Variants in MED27 observed in about 807,000 individuals in gnomAD.
MED27 encodes the protein mediator of RNA polymerase II transcription subunit 27.
In MED27, 30 loss-of-function variants were observed where a neutral mutation model predicts 38.2. The observed-to-expected ratio is 0.79, with a 90% CI of 0.59 to 1.07. The LOEUF (loss-of-function observed/expected upper bound fraction) is 1.07. MED27 is among the 50% of genes least tolerant of loss of function. The pLI is 0.00. For missense variants in MED27, 289 were observed against 397.5 expected (o/e 0.73, Z 2.32); for synonymous variants, 122 against 153.5 (o/e 0.79, Z 1.52).
chr9:132,008,684 T>C (rs1460757263), intron 3 of MED27, among the ~76,000 whole-genome samples: 3 of 152,228 alleles, frequency 2.0e-5, no homozygotes, highest in East Asian at 1.9e-4. Context: ...AGCTCCTGCA[T>C]TCCTGCCACG....
intron 4 of MED27, among the ~76,000 whole-genome samples, chr9:131,927,014 C>T (rs1830496051): frequency 6.6e-6 from 1 of 152,136 alleles, no homozygotes; most frequent in South Asian, 2.1e-4. Flanking sequence ...TTGTTCCAGT[C>T]TGATTCAGTT....
intron 3 of MED27, among the ~76,000 whole-genome samples, chr9:131,954,208 C>T (rs757549848): frequency 6.6e-6 from 1 of 152,150 alleles, no homozygotes; most frequent in African/African-American, 2.4e-5. Flanking sequence ...GTAAGCAGCA[C>T]CACTAAGCAA....
At chr9:132,073,937 GA>G (rs994915551) in intron 2 of MED27, among the ~76,000 whole-genome samples, 1 of 152,016 alleles carries the variant, frequency 6.6e-6, no homozygotes, top group African/African-American at 2.4e-5. Flanking sequence ...ATAAACAAAT[GA>G]AAAAAATCAA....
chr9:131,864,007 G>C (rs4385508), intron 6 of MED27, among the ~76,000 whole-genome samples: 129,902 of 152,158 alleles, frequency 0.85, 55,555 homozygotes, highest in Middle Eastern at 0.88. Context: ...CCCTTCCAAG[G>C]AGCAAAGGGG....
intron 2 of MED27, among the ~76,000 whole-genome samples, chr9:132,050,070 G>GT (rs1564340516): frequency 2.0e-5 from 3 of 152,068 alleles, no homozygotes; most frequent in Admixed American, 2.0e-4. Flanking sequence ...ATATCAGGGC[G>GT]TTGCTCATGA....
At chr9:132,071,410 GCA>G (rs909988479) in intron 2 of MED27, among the ~76,000 whole-genome samples, 1 of 151,780 alleles carries the variant, frequency 6.6e-6, no homozygotes, top group East Asian at 1.9e-4. Context: ...CCATGAACGA[GCA>G]CACACACACA....
rs540039486 is a variant in MED27, at chr9:131,904,845, T to C, written c.574-10853A>G. ...ATTTCAACACAGTGGACTAATCCAT[T>C]TACCAAGTGTTATAAAAGGTTTTCA... On this transcript the variant is annotated intron_variant, in intron 4 of 7. Coordinates refer to ENST00000292035, the MANE Select transcript of MED27 (RefSeq NM_004269.4). 1.2e-3 allele frequency among the ~76,000 whole-genome samples: 182 copies of C among 152,344 alleles called. 1 individual carries two copies. The highest frequency in any genetic ancestry group is 4.2e-3 in the African/African-American group (174 of 41,586).
chr9:131,959,143 C>T (rs1001046571), intron 3 of MED27, among the ~76,000 whole-genome samples: 3 of 152,174 alleles, frequency 2.0e-5, no homozygotes, highest in African/African-American at 2.4e-5. Context: ...TGAAATCAGG[C>T]GTCCAACTGC....
Position 131,894,026 on chromosome 9 carries a change from C to T in MED27, c.574-34G>A, listed in dbSNP as rs116033760. 5.3e-4 allele frequency: 819 copies of T among 1,558,016 alleles called. 3 individuals are homozygous for T. In the African/African-American group the frequency reaches 9.4e-3, roughly 18 times the overall value. On this transcript the variant is annotated intron_variant, in intron 4 of 7. Transcript: ENST00000292035. Reference sequence around the variant, plus strand: ...ACACATGTAAGCTGACACTTGAACACGCAAATCACACAAAGTTGGGCAGGG... The same window carrying T: ...ACACATGTAAGCTGACACTTGAACATGCAAATCACACAAAGTTGGGCAGGG...
At chr9:131,930,387 T>C (rs552896006) in intron 4 of MED27, among the ~76,000 whole-genome samples, 1 of 152,002 alleles carries the variant, frequency 6.6e-6, no homozygotes, top group African/African-American at 2.4e-5. Context: ...ACAAATAACA[T>C]AGAGTGGAGC....
In MED27 at chr9:132,008,718, C is replaced by T. The variant is rs116522456; in HGVS notation, c.479+5619G>A. 1.5e-3 allele frequency among the ~76,000 whole-genome samples: 225 copies of T among 152,304 alleles called. 1 individual carries two copies. Among genetic ancestry groups the T allele is most frequent in the African/African-American group, 5.3e-3 (219 of 41,572 alleles). Reference sequence around the variant, plus strand: ...CGCCTGTGCTCTCTGCACAGTTGGGCAGAACTAGTAGTTTTGCTGTAGCAG... The same window carrying T: ...CGCCTGTGCTCTCTGCACAGTTGGGTAGAACTAGTAGTTTTGCTGTAGCAG... On this transcript the variant is annotated intron_variant, in intron 3 of 7. Coordinates refer to ENST00000292035, the MANE Select transcript of MED27 (RefSeq NM_004269.4).
At chr9:132,078,367 T>G (rs1834101017) in intron 1 of MED27, among the ~76,000 whole-genome samples, 1 of 152,166 alleles carries the variant, frequency 6.6e-6, no homozygotes, top group African/African-American at 2.4e-5. Flanking sequence ...TCTTAAAGTT[T>G]CTATTTAAAA....
intron 2 of MED27, chr9:132,073,745 G>A: frequency 1.3e-6 from 2 of 1,499,186 alleles, no homozygotes; most frequent in Non-Finnish European, 1.8e-6. Flanking sequence ...TGCTCTTTCT[G>A]TAATAAAAAA....
chr9:132,044,122 G>A (rs79942648), intron 2 of MED27, among the ~76,000 whole-genome samples: 8,713 of 152,246 alleles, frequency 0.057, 303 homozygotes, highest in Non-Finnish European at 0.086. Flanking sequence ...GGGACAAAGG[G>A]TAGATGGGAA....
rs749607968 is a variant in MED27, at chr9:131,966,383, C to CAAAAAAAA, written c.480-26917_480-26910dup. ...CAGGCAAAAGAGCCAGACCCTGTCACAAAAAAAAAAAAAAAAAGGAAAGGA... is the reference window on the plus strand; with the variant it reads ...CAGGCAAAAGAGCCAGACCCTGTCACAAAAAAAAAAAAAAAAAAAAAAAAAGGAAAGGA... On this transcript the variant is annotated intron_variant, in intron 3 of 7. Coordinates refer to ENST00000292035, the MANE Select transcript of MED27 (RefSeq NM_004269.4). Among the ~76,000 whole-genome samples, 164 of 36,710 alleles carry CAAAAAAAA rather than the reference C, an allele frequency of 4.5e-3. 15 individuals carry two copies. Among genetic ancestry groups the CAAAAAAAA allele is most frequent in the African/African-American group, 0.011 (67 of 6,264 alleles). The allele number at this position is 36,710 out of a possible 152,430, so 24.1% of individuals were successfully genotyped here.
chr9:131,863,646 G>T (rs965596420), intron 6 of MED27, among the ~76,000 whole-genome samples: 1 of 146,256 alleles, frequency 6.8e-6, no homozygotes, highest in African/African-American at 2.8e-5. Flanking sequence ...TTATGATGGG[G>T]AGCCTGGCAG....
chr9:132,018,623 T>C (rs1832653308), intron 2 of MED27, among the ~76,000 whole-genome samples: 1 of 152,190 alleles, frequency 6.6e-6, no homozygotes, highest in Non-Finnish European at 1.5e-5. Context: ...GCCAGTGGCA[T>C]TCAATTAGGC....
chr9:131,943,683 A>C (rs559208377), intron 3 of MED27, among the ~76,000 whole-genome samples: 70 of 152,252 alleles, frequency 4.6e-4, no homozygotes, highest in Non-Finnish European at 7.5e-4. Flanking sequence ...ACATTAATTT[A>C]GTGCCAAATT....
chr9:131,878,274 A>AAAATAAATAAAT (rs139530478), intron 6 of MED27, among the ~76,000 whole-genome samples: 1,792 of 147,896 alleles, frequency 0.012, 47 homozygotes, highest in African/African-American at 0.043. Context: ...CTCCATTACA[A>AAAATAAATAAAT]AAATAAATAA....
Sources: allele counts gnomAD v4.1 joint callset (sites outside exome capture counted in the v4.1 genomes callset), GRCh38; gene constraint gnomAD v4.1.1; transcripts MANE v1.5; gene names NCBI Gene and HGNC (gene_info 2026-07-23, HGNC 2026-07-21).